The following FSTL5 variants were observed in gnomAD, a reference collection of about 807,000 sequenced individuals.
The protein encoded by FSTL5 is follistatin-related protein 5.
FSTL5 carries 62 observed loss-of-function variants against 89.1 expected under a neutral mutation model. The observed-to-expected ratio is 0.70, with a 90% CI of 0.57 to 0.86. The LOEUF (loss-of-function observed/expected upper bound fraction) is 0.86, where lower values mean the gene tolerates loss of function less well. FSTL5 is among the 40% of genes least tolerant of loss of function. FSTL5 has a pLI of 0.00. For missense variants in FSTL5, 1,057 were observed against 1,001.6 expected, an observed-to-expected ratio of 1.06 and a Z score of -0.75; for synonymous variants, 383 against 346.2, an observed-to-expected ratio of 1.11 and a Z score of -1.18.
At chr4:161,722,262 G>A (rs1739244127) in intron 6 of FSTL5, among the ~76,000 whole-genome samples, 1 of 152,008 alleles carries the variant, frequency 6.6e-6, no homozygotes, top group Non-Finnish European at 1.5e-5. Flanking sequence ...TTCTACTCTT[G>A]TAAGAAACCT....
chr4:161,946,638 A>C (rs1433802719), intron 3 of FSTL5, among the ~76,000 whole-genome samples: 1 of 152,172 alleles, frequency 6.6e-6, no homozygotes. Context: ...CTGCTTACCC[A>C]TTCTCCTGTT....
chr4:161,804,671 A>C (rs373465131), intron 4 of FSTL5, among the ~76,000 whole-genome samples: 86 of 152,160 alleles, frequency 5.7e-4, no homozygotes, highest in Middle Eastern at 3.4e-3. Context: ...TGCCTAACGA[A>C]ATTTTTAAAA....
intron 2 of FSTL5, among the ~76,000 whole-genome samples, chr4:162,046,579 G>A (rs2111242775): frequency 6.6e-6 from 1 of 151,890 alleles, no homozygotes; most frequent in African/African-American, 2.4e-5. Flanking sequence ...ATTTATGCCT[G>A]GCTAAATATT....
intron 3 of FSTL5, among the ~76,000 whole-genome samples, chr4:161,930,254 A>G (rs1277232341): frequency 6.6e-6 from 1 of 151,882 alleles, no homozygotes; most frequent in African/African-American, 2.4e-5. Context: ...CTTATAAACC[A>G]GTATAAACCA....
At chr4:161,744,552 C>T (rs889864689) in intron 6 of FSTL5, among the ~76,000 whole-genome samples, 17 of 152,088 alleles carry the variant, frequency 1.1e-4, no homozygotes, top group Non-Finnish European at 2.9e-5. Flanking sequence ...TACCACCTGG[C>T]AGCAGAAGCA....
At chr4:161,515,172 C>G (rs527648641) in intron 10 of FSTL5, among the ~76,000 whole-genome samples, 31 of 151,634 alleles carry the variant, frequency 2.0e-4, no homozygotes, top group African/African-American at 7.5e-4. Flanking sequence ...ATTTAATTGC[C>G]CTGGTATAAT....
intron 15 of FSTL5, among the ~76,000 whole-genome samples, chr4:161,406,469 G>A (rs1578949149): frequency 6.6e-6 from 1 of 151,984 alleles, no homozygotes; most frequent in African/African-American, 2.4e-5. Context: ...ATATTTTCTT[G>A]AGAAAAATTT....
chr4:161,433,398 G>A (rs1393653401), intron 15 of FSTL5, among the ~76,000 whole-genome samples: 1 of 151,884 alleles, frequency 6.6e-6, no homozygotes, highest in African/African-American at 2.4e-5. Context: ...TGGTTTTAGA[G>A]GGAACATACT....
intron 4 of FSTL5, among the ~76,000 whole-genome samples, chr4:161,817,360 A>G (rs965119027): frequency 6.6e-6 from 1 of 152,194 alleles, no homozygotes; most frequent in Non-Finnish European, 1.5e-5. Context: ...AAAACCAAGA[A>G]CAAATTTGTT....
chr4:161,788,988 A>T (rs1729358098), intron 4 of FSTL5, among the ~76,000 whole-genome samples: 1 of 152,156 alleles, frequency 6.6e-6, no homozygotes, highest in South Asian at 2.1e-4. Context: ...TTCCCTTCAC[A>T]TACACACCAG....
chr4:162,050,832 A>C (rs1738354837), intron 2 of FSTL5, among the ~76,000 whole-genome samples: 1 of 151,454 alleles, frequency 6.6e-6, no homozygotes, highest in Non-Finnish European at 1.5e-5. Flanking sequence ...GAAGTTAATA[A>C]ATTAATAAAG....
intron 7 of FSTL5, among the ~76,000 whole-genome samples, chr4:161,602,585 T>C (rs1241172231): frequency 1.3e-5 from 2 of 152,034 alleles, no homozygotes; most frequent in African/African-American, 4.8e-5. Flanking sequence ...AAGCCAGAAA[T>C]GTATTTATAC....
chr4:161,756,947 T>C (rs938623468), intron 6 of FSTL5, among the ~76,000 whole-genome samples: 2 of 152,174 alleles, frequency 1.3e-5, no homozygotes, highest in Admixed American at 1.3e-4. Flanking sequence ...CCTACTTCTG[T>C]TAGTCAAGTC....
intron 2 of FSTL5, among the ~76,000 whole-genome samples, chr4:162,055,511 TGATA>T (rs1350383772): frequency 2.9e-5 from 4 of 135,638 alleles, no homozygotes; most frequent in African/African-American, 8.5e-5. Context: ...AATAGATAGA[TGATA>T]GATAGAGGAT....
intron 3 of FSTL5, among the ~76,000 whole-genome samples, chr4:161,977,506 G>A (rs1438281802): frequency 6.7e-6 from 1 of 150,368 alleles, no homozygotes; most frequent in Non-Finnish European, 1.5e-5. Context: ...CCAGCTACTC[G>A]GGAGGCTGAG....
chr4:161,674,780 C>A (rs113919558), intron 6 of FSTL5, among the ~76,000 whole-genome samples: 1 of 152,062 alleles, frequency 6.6e-6, no homozygotes, highest in Admixed American at 6.6e-5. Flanking sequence ...GCAGTAGGCA[C>A]AAAGAGAAAT....
chr4:161,740,037 G>T (rs1264611802), intron 6 of FSTL5, among the ~76,000 whole-genome samples: 5 of 142,194 alleles, frequency 3.5e-5, no homozygotes, highest in Non-Finnish European at 6.2e-5. Flanking sequence ...TTTATTTATT[G>T]AGACAGAGTT....
At chr4:161,831,821 A>C (rs1730855510) in intron 4 of FSTL5, among the ~76,000 whole-genome samples, 1 of 151,408 alleles carries the variant, frequency 6.6e-6, no homozygotes, top group Admixed American at 6.6e-5. Flanking sequence ...TATATATGCC[A>C]TTCTGAAAAA....
intron 10 of FSTL5, among the ~76,000 whole-genome samples, chr4:161,516,946 C>T (rs567399874): frequency 9.2e-5 from 14 of 152,054 alleles, no homozygotes; most frequent in African/African-American, 1.4e-4. Context: ...CAGGCTGGAG[C>T]GTAGTGGTGT....
Sources: allele counts gnomAD v4.1 joint callset (sites outside exome capture counted in the v4.1 genomes callset), GRCh38; gene constraint gnomAD v4.1.1; transcripts MANE v1.5; gene names NCBI Gene and HGNC (gene_info 2026-07-23, HGNC 2026-07-21).